The following SUGCT variants were observed in gnomAD, a reference collection of about 807,000 sequenced individuals.
SUGCT encodes the protein succinyl-CoA:glutarate-CoA transferase, also known as succinyl-CoA:glutarate CoA-transferase.
A neutral mutation model predicts 55.0 loss-of-function variants in SUGCT; 41 were observed. The ratio of observed to expected loss-of-function variants is 0.74; its 90% confidence interval spans 0.58 to 0.97. The LOEUF (loss-of-function observed/expected upper bound fraction) is 0.97. Among genes scored for constraint, SUGCT ranks in the 50% least tolerant of loss-of-function variants. The pLI, the probability that SUGCT is intolerant of heterozygous loss-of-function variation, is 0.00. For missense variants in SUGCT, 568 were observed against 547.8 expected (o/e 1.04, Z -0.37); for synonymous variants, 187 against 200.4 (o/e 0.93, Z 0.56).
chr7:40,522,500 A>G (rs1287803590), intron 12 of SUGCT, among the ~76,000 whole-genome samples: 1 of 152,080 alleles, frequency 6.6e-6, no homozygotes, highest in Non-Finnish European at 1.5e-5. Flanking sequence ...TTTTTTTACT[A>G]AATTATTCTA....
At chr7:40,360,087 C>G (rs1798075423) in intron 9 of SUGCT, among the ~76,000 whole-genome samples, 1 of 152,200 alleles carries the variant, frequency 6.6e-6, no homozygotes, top group African/African-American at 2.4e-5. Context: ...GATCTCGGCT[C>G]ACTGCAACCT....
chr7:40,764,495 C>A (rs942968562), intron 13 of SUGCT, among the ~76,000 whole-genome samples: 1 of 151,864 alleles, frequency 6.6e-6, no homozygotes, highest in Non-Finnish European at 1.5e-5. Flanking sequence ...ATTTGGCTAT[C>A]TTTATAAGGC....
intron 9 of SUGCT, among the ~76,000 whole-genome samples, chr7:40,346,913 G>A (rs1797345236): frequency 6.6e-6 from 1 of 152,096 alleles, no homozygotes; most frequent in African/African-American, 2.4e-5. Flanking sequence ...CGCGATTCTC[G>A]GACTTGAACC....
chr7:40,825,506 C>T (rs557038223), intron 13 of SUGCT, among the ~76,000 whole-genome samples: 6 of 151,908 alleles, frequency 3.9e-5, no homozygotes, highest in Non-Finnish European at 7.4e-5. Flanking sequence ...GGCATAGGTT[C>T]GATACTTCTT....
chr7:40,556,937 A>C (rs1795589517), intron 12 of SUGCT, among the ~76,000 whole-genome samples: 1 of 152,172 alleles, frequency 6.6e-6, no homozygotes, highest in Non-Finnish European at 1.5e-5. Context: ...TCTACTACTC[A>C]AGGCGATCTC....
At chr7:40,178,591 A>C (rs991016106) in intron 1 of SUGCT, among the ~76,000 whole-genome samples, 8 of 151,838 alleles carry the variant, frequency 5.3e-5, no homozygotes, top group African/African-American at 1.9e-4. Context: ...AGCATTGTTG[A>C]GAAATTCAAT....
the SUGCT span, among the ~76,000 whole-genome samples, chr7:40,888,538 A>C: frequency 1.4e-4 from 22 of 152,132 alleles, no homozygotes; most frequent in African/African-American, 5.3e-4. Flanking sequence ...AATAAGCTTG[A>C]TTTGCATAGG....
chr7:40,389,211 A>G (rs987484633), intron 9 of SUGCT, among the ~76,000 whole-genome samples: 1 of 152,128 alleles, frequency 6.6e-6, no homozygotes. Context: ...GCATTTTGGG[A>G]GGCCGAGGCA....
the SUGCT span, among the ~76,000 whole-genome samples, chr7:41,021,489 G>T: frequency 6.6e-6 from 1 of 152,042 alleles, no homozygotes; most frequent in Non-Finnish European, 1.5e-5. Context: ...TACTTTCTAT[G>T]CAAGAAATCA....
intron 12 of SUGCT, among the ~76,000 whole-genome samples, chr7:40,572,622 C>G (rs960086042): frequency 1.3e-5 from 2 of 152,080 alleles, no homozygotes; most frequent in Non-Finnish European, 2.9e-5. Flanking sequence ...TAGAAAGAAG[C>G]GTTTGGGGTA....
chr7:40,811,358 CTAT>C (rs1791406009), intron 13 of SUGCT, among the ~76,000 whole-genome samples: 1 of 151,924 alleles, frequency 6.6e-6, no homozygotes, highest in Non-Finnish European at 1.5e-5. Context: ...GCTTTGGGCT[CTAT>C]GGTCATTTAA....
intron 13 of SUGCT, among the ~76,000 whole-genome samples, chr7:40,844,303 T>C (rs1179369014): frequency 6.6e-6 from 1 of 152,130 alleles, no homozygotes; most frequent in Non-Finnish European, 1.5e-5. Flanking sequence ...TCCAAGTTTT[T>C]GTCCAGTGTC....
At chr7:40,245,423 A>ATATATATT (rs1344678220) in intron 7 of SUGCT, among the ~76,000 whole-genome samples, 6 of 54,598 alleles carry the variant, frequency 1.1e-4, no homozygotes, top group Non-Finnish European at 2.0e-4. Context: ...ATATATATAT[A>ATATATATT]TTTTTTTTTT....
At chr7:40,747,848 A>G (rs1427520208) in intron 12 of SUGCT, among the ~76,000 whole-genome samples, 1 of 152,192 alleles carries the variant, frequency 6.6e-6, no homozygotes, top group African/African-American at 2.4e-5. Flanking sequence ...TTTTGCCTCC[A>G]ATAATTCAAC....
the SUGCT span, among the ~76,000 whole-genome samples, chr7:40,888,399 C>T: frequency 1.4e-4 from 21 of 150,582 alleles, no homozygotes; most frequent in Admixed American, 3.3e-4. Context: ...TGCAGTGAGC[C>T]GAGATCATGC....
intron 3 of SUGCT, among the ~76,000 whole-genome samples, chr7:40,183,274 AAAACAAAC>A (rs888770110): frequency 2.6e-5 from 4 of 152,194 alleles, no homozygotes; most frequent in African/African-American, 9.7e-5. Context: ...CCCTGTCTCA[AAAACAAAC>A]AAACAAACAA....
chr7:40,890,872 G>T, the SUGCT span, among the ~76,000 whole-genome samples: 2 of 152,124 alleles, frequency 1.3e-5, no homozygotes, highest in African/African-American at 2.4e-5. Context: ...TTGTCTTAAA[G>T]AAGTTCAGTG....
At chr7:40,770,815 C>G (rs1029742467) in intron 13 of SUGCT, among the ~76,000 whole-genome samples, 3 of 152,080 alleles carry the variant, frequency 2.0e-5, no homozygotes, top group African/African-American at 7.2e-5. Context: ...CACTGGTGTC[C>G]CTCCTGTATG....
chr7:40,189,534 T>A lies in SUGCT; in HGVS notation c.313-10T>A, dbSNP rs971843795. 2.7e-6 allele frequency: 3 copies of A among 1,099,168 alleles called. No individual in the cohort carries two copies. In the East Asian group the frequency reaches 9.9e-5, roughly 36 times the overall value. 68.1% of individuals were successfully genotyped at this position (1,099,168 alleles called of 1,614,324 possible). A position where few individuals can be genotyped will look rare whatever the true frequency, so the allele number is the denominator to read the frequency against. On this transcript the variant is annotated splice_polypyrimidine_tract_variant and intron_variant, in intron 4 of 13. Transcript: ENST00000335693. ...AAATAATATATATATATATATTTTT[T>A]AATTTTTAGAGTATTGCTGTTAATA... is the stretch of plus-strand genomic sequence containing the variant.
Sources: allele counts gnomAD v4.1 joint callset (sites outside exome capture counted in the v4.1 genomes callset), GRCh38; gene constraint gnomAD v4.1.1; transcripts MANE v1.5; gene names NCBI Gene and HGNC (gene_info 2026-07-23, HGNC 2026-07-21).